Variants in XNDC1N observed in about 807,000 individuals in gnomAD.
XNDC1N encodes XRCC1 N-terminal domain containing 1, N-terminal like, also known as protein XNDC1N.
the XNDC1N span, among the ~76,000 whole-genome samples, chr11:71,911,864 C>T: frequency 6.6e-6 from 1 of 152,206 alleles, no homozygotes; most frequent in Non-Finnish European, 1.5e-5. Context: ...AAAGCAGCAT[C>T]TGCCCCCTTC....
chr11:71,866,325 T>G, the XNDC1N span, among the ~76,000 whole-genome samples: 1 of 152,134 alleles, frequency 6.6e-6, no homozygotes, highest in Non-Finnish European at 1.5e-5. Context: ...TAAGACTGGG[T>G]GAATTACATG....
the XNDC1N span, among the ~76,000 whole-genome samples, chr11:71,906,947 T>C: frequency 6.6e-6 from 1 of 152,068 alleles, no homozygotes; most frequent in Non-Finnish European, 1.5e-5. Context: ...ACAAACCCTG[T>C]GACATAAGGA....
At chr11:71,918,610 G>C in the XNDC1N span, among the ~76,000 whole-genome samples, 1 of 152,134 alleles carries the variant, frequency 6.6e-6, no homozygotes, top group Non-Finnish European at 1.5e-5. Flanking sequence ...AGTGTCCTAA[G>C]GTTTTACCCA....
the XNDC1N span, chr11:71,884,612 A>T: frequency 1.3e-6 from 2 of 1,551,946 alleles, no homozygotes; most frequent in Non-Finnish European, 1.7e-6. Flanking sequence ...CATGTCTTAA[A>T]CTCTCTTATC....
the XNDC1N span, chr11:71,928,011 G>C: frequency 6.1e-6 from 1 of 164,328 alleles, no homozygotes; most frequent in Non-Finnish European, 1.3e-5. Flanking sequence ...GGGGCTACAG[G>C]CTTGCAAGGT....
At chr11:71,903,387 G>A in the XNDC1N span, 7 of 1,442,408 alleles carry the variant, frequency 4.9e-6, no homozygotes, top group Non-Finnish European at 6.8e-6. Flanking sequence ...TCTCCAACCT[G>A]TCCTTGCCTG....
chr11:71,925,668 C>A, the XNDC1N span, among the ~76,000 whole-genome samples: 2 of 152,156 alleles, frequency 1.3e-5, no homozygotes, highest in African/African-American at 2.4e-5. Flanking sequence ...GTGGCTCACG[C>A]CTGTAATCCC....
chr11:71,892,682 AT>A, the XNDC1N span, among the ~76,000 whole-genome samples: 4,020 of 147,490 alleles, frequency 0.027, 164 homozygotes, highest in African/African-American at 0.096. Flanking sequence ...TGCCCGGCTA[AT>A]TTTTTTTTTT....
chr11:71,882,102 A>G, the XNDC1N span, among the ~76,000 whole-genome samples: 1 of 152,170 alleles, frequency 6.6e-6, no homozygotes, highest in East Asian at 1.9e-4. Context: ...TCTTAAAAGA[A>G]GCCAGGAGGG....
At chr11:71,927,378 C>T in the XNDC1N span, among the ~76,000 whole-genome samples, 1 of 151,998 alleles carries the variant, frequency 6.6e-6, no homozygotes, top group South Asian at 2.1e-4. Flanking sequence ...TGAAATTTCC[C>T]CAGGCGTGGT....
At chr11:71,924,323 G>T in the XNDC1N span, among the ~76,000 whole-genome samples, 2 of 152,048 alleles carry the variant, frequency 1.3e-5, no homozygotes, top group African/African-American at 4.8e-5. Context: ...AGGCTGCAGT[G>T]AGCCATGACG....
chr11:71,902,959 G>A, the XNDC1N span, among the ~76,000 whole-genome samples: 2 of 152,162 alleles, frequency 1.3e-5, no homozygotes, highest in Non-Finnish European at 2.9e-5. Flanking sequence ...CTCTAAGGCA[G>A]GTGTGTACAG....
At chr11:71,923,331 T>C in the XNDC1N span, 1 of 702,978 alleles carries the variant, frequency 1.4e-6, no homozygotes, top group Non-Finnish European at 2.6e-6. Flanking sequence ...TGATACCACA[T>C]GGCTGATCTT....
At chr11:71,884,951 G>GC in the XNDC1N span, among the ~76,000 whole-genome samples, 28 of 144,150 alleles carry the variant, frequency 1.9e-4, no homozygotes, top group African/African-American at 7.3e-4. Context: ...GGGATGAGGA[G>GC]CCCCCCACGA....
the XNDC1N span, chr11:71,914,269 G>A: frequency 1.1e-5 from 5 of 456,050 alleles, no homozygotes. Context: ...AAGAATACTG[G>A]TGATTCATGG....
chr11:71,920,851 G>A, the XNDC1N span, among the ~76,000 whole-genome samples: 6 of 152,072 alleles, frequency 3.9e-5, no homozygotes, highest in South Asian at 1.2e-3. Context: ...TGTAATTTCA[G>A]CTACTTGGGG....
the XNDC1N span, among the ~76,000 whole-genome samples, chr11:71,869,973 T>A: frequency 0.039 from 5,883 of 152,280 alleles, 384 homozygotes; most frequent in African/African-American, 0.14. Context: ...AGGTTTAATT[T>A]GCTCACAATT....
chr11:71,913,050 C>T, the XNDC1N span, among the ~76,000 whole-genome samples: 1 of 152,066 alleles, frequency 6.6e-6, no homozygotes, highest in African/African-American at 2.4e-5. Flanking sequence ...TTCAACGTAA[C>T]CTTATCCTCT....
chr11:71,907,636 A>G, the XNDC1N span, among the ~76,000 whole-genome samples: 7 of 152,208 alleles, frequency 4.6e-5, no homozygotes, highest in South Asian at 1.4e-3. Flanking sequence ...TAGGAACAGT[A>G]TCACAGGGGT....
Sources: allele counts gnomAD v4.1 joint callset (sites outside exome capture counted in the v4.1 genomes callset), GRCh38; gene constraint gnomAD v4.1.1; transcripts MANE v1.5; gene names NCBI Gene and HGNC (gene_info 2026-07-23, HGNC 2026-07-21).